The following SP140 variants were observed in gnomAD, a reference collection of about 807,000 sequenced individuals.
SP140 encodes the protein nuclear body protein SP140.
A neutral mutation model predicts 125.0 loss-of-function variants in SP140; 81 were observed. The ratio of observed to expected loss-of-function variants is 0.65; its 90% CI spans 0.54 to 0.78. The LOEUF (loss-of-function observed/expected upper bound fraction) is 0.78. SP140 is among the 30% of genes least tolerant of loss of function. The pLI is 0.00. For missense variants in SP140, 858 were observed against 1,037.0 expected, an observed-to-expected ratio of 0.83 and a Z score of 2.37; for synonymous variants, 312 against 354.0, an observed-to-expected ratio of 0.88 and a Z score of 1.33.
chr2:230,187,919 GT>G, the SP140 span, among the ~76,000 whole-genome samples: 1 of 152,074 alleles, frequency 6.6e-6, no homozygotes, highest in Admixed American at 6.5e-5. Flanking sequence ...TTTAAGTCTG[GT>G]AATGTGATGC....
At chr2:230,245,198 G>A (rs909259798) in intron 6 of SP140, 118 bp downstream of exon 6, 85 of 673,880 alleles carry the variant, frequency 1.3e-4, no homozygotes, top group Non-Finnish European at 1.7e-4. Context: ...TCAGCCTGTG[G>A]TTGTTTTCCC....
rs962602680 is a variant in SP140 at position 230,310,767 on chromosome 2, C to G, written c.2199C>G (p.Cys733Trp). The change falls in exon 24 of 27, where the codon TGC becomes TGG. Residue 733 changes from cysteine to tryptophan, a missense_variant. By Grantham distance (215) the Cys-to-Trp change is radical. This residue lies in a region of SP140 where 22 missense variants were observed against 50.5 expected (regional missense o/e 0.44). Coordinates refer to ENST00000392045, the MANE Select transcript of SP140 (RefSeq NM_007237.5). ...AERTPWNCIF[C>W]RMKESPGSQQ... ...GGACCCCGTGGAATTGCATCTTCTG[C>G]AGGATGAAGGAGTCTCCGGGAAGCC... The G allele has an allele frequency of 6.5e-7, 1 of 1,536,800 alleles. No individual in the cohort carries two copies. The highest frequency in any genetic ancestry group is 8.8e-7 in the Non-Finnish European group (1 of 1,130,458).
intron 3 of SP140, 138 bp downstream of exon 3, chr2:230,238,519 G>GA: frequency 1.1e-6 from 1 of 877,142 alleles, no homozygotes; most frequent in Non-Finnish European, 1.7e-6. Context: ...ATATAATGAT[G>GA]AAAAAACACA....
chr2:230,266,454 T>C (rs1474139375), intron 12 of SP140, among the ~76,000 whole-genome samples: 1 of 152,192 alleles, frequency 6.6e-6, no homozygotes, highest in Non-Finnish European at 1.5e-5. Flanking sequence ...AAGAAGATGG[T>C]TGTGTTCGTT....
Position 230,239,237 on chromosome 2 carries a change from G to T in SP140, c.406+856G>T, listed in dbSNP as rs1431963780. On this transcript the variant is annotated intron_variant, in intron 3 of 26. Transcript: ENST00000392045. ...TGCATGCCTCCTTTGGTATCCATGA[G>T]GGATTGGTTTCAGGAATACCCACCA... 10 of 251,596 alleles carry T rather than the reference G, an allele frequency of 4.0e-5. No individual in the cohort carries two copies. The East Asian group carries it at 9.0e-4, about 23-fold the overall frequency. 15.6% of individuals were successfully genotyped at this position (251,596 alleles called of 1,614,324 possible).
intron 15 of SP140, among the ~76,000 whole-genome samples, chr2:230,282,662 A>G (rs894709803): frequency 6.6e-6 from 1 of 152,162 alleles, no homozygotes; most frequent in Admixed American, 6.5e-5. Flanking sequence ...CACACATTTC[A>G]TAAACTGTAA....
chr2:230,216,527 G>C (rs200101397), intron 3 of SP140, among the ~76,000 whole-genome samples: 1 of 152,166 alleles, frequency 6.6e-6, no homozygotes, highest in South Asian at 2.1e-4. Flanking sequence ...CTCCACACCT[G>C]AGAGAATATA....
At chr2:230,196,597 T>C in the SP140 span, among the ~76,000 whole-genome samples, 2 of 152,114 alleles carry the variant, frequency 1.3e-5, no homozygotes, top group Non-Finnish European at 2.9e-5. Flanking sequence ...AATGTGCAGG[T>C]TTGTTACATA....
intron 1 of SP140, among the ~76,000 whole-genome samples, chr2:230,234,139 G>A (rs907404874): frequency 5.3e-5 from 8 of 152,184 alleles, no homozygotes; most frequent in African/African-American, 1.9e-4. Context: ...GTCCTACACA[G>A]TGTCAGTAAA....
chr2:230,192,883 G>T, the SP140 span, among the ~76,000 whole-genome samples: 1 of 152,114 alleles, frequency 6.6e-6, no homozygotes, highest in African/African-American at 2.4e-5. Flanking sequence ...CTAGAGTGTA[G>T]TTTACATCTA....
chr2:230,271,171 A>G (rs989354874), intron 15 of SP140, among the ~76,000 whole-genome samples: 4 of 152,210 alleles, frequency 2.6e-5, no homozygotes, highest in African/African-American at 7.2e-5. Flanking sequence ...GTTGTTTTAA[A>G]CCACTAAATT....
At chr2:230,240,267 G>T (rs1393989653) in intron 3 of SP140, among the ~76,000 whole-genome samples, 2 of 152,120 alleles carry the variant, frequency 1.3e-5, no homozygotes, top group Non-Finnish European at 2.9e-5. Flanking sequence ...GCAGTAATTT[G>T]CTATACAGGA....
At chr2:230,249,452 C>G (rs887220548) in intron 9 of SP140, among the ~76,000 whole-genome samples, 1 of 152,072 alleles carries the variant, frequency 6.6e-6, no homozygotes, top group African/African-American at 2.4e-5. Flanking sequence ...GCTATAGCCC[C>G]TGCGTGAACA....
intron 1 of SP140, among the ~76,000 whole-genome samples, chr2:230,233,657 GA>G (rs2047573388): frequency 6.6e-6 from 1 of 152,140 alleles, no homozygotes; most frequent in African/African-American, 2.4e-5. Flanking sequence ...TAATAGTAGT[GA>G]ATTTATTACC....
upstream of SP140, among the ~76,000 whole-genome samples, chr2:230,201,229 C>A (rs2043155759): frequency 6.6e-6 from 1 of 152,226 alleles, no homozygotes; most frequent in African/African-American, 2.4e-5. Context: ...CCATCTGAAC[C>A]CCTTGGCCAG....
chr2:230,209,991 G>A (rs201871551), intron 1 of SP140: 1 of 1,601,540 alleles, frequency 6.2e-7, no homozygotes, highest in Non-Finnish European at 8.6e-7. Flanking sequence ...TTTGGTTCTG[G>A]AGAATTATCT....
intron 12 of SP140, among the ~76,000 whole-genome samples, chr2:230,264,419 C>T (rs1445837192): frequency 6.6e-6 from 1 of 152,152 alleles, no homozygotes; most frequent in African/African-American, 2.4e-5. Context: ...CTTTGCCTTT[C>T]TCTGGTCCCT....
upstream of SP140, among the ~76,000 whole-genome samples, chr2:230,198,452 C>A (rs2042978090): frequency 6.6e-6 from 1 of 152,176 alleles, no homozygotes; most frequent in Admixed American, 6.5e-5. Context: ...GCTAGTTGTT[C>A]CTCTTTCTCT....
At position 230,284,359 on chromosome 2, in the gene SP140, G is replaced by A. The variant is rs201215221; in HGVS notation, c.1512G>A (p.Gly504=). 1.9e-3 allele frequency: 2,994 copies of A among 1,605,188 alleles called. 16 individuals are homozygous for A. The highest frequency in any genetic ancestry group is 7.8e-3 in the Middle Eastern group (47 of 6,026). ...TTTGGTTTGAAGGAAAAAAGAGGGG[G>A]CATGGCTGGAGCAGAATGAGAATGA... is the stretch of plus-strand genomic sequence containing the variant. ...KPKRKRRKKR[G]HGWSRMRMRR... The change falls in exon 16 of 27, where the codon GGG becomes GGA. Residue 504 remains glycine (G), a synonymous_variant. Coordinates refer to ENST00000392045, the MANE Select transcript of SP140 (RefSeq NM_007237.5).
Sources: gnomAD v4.1 joint callset for allele counts (sites outside exome capture counted in the v4.1 genomes callset) on GRCh38, gnomAD v4.1.1 for gene constraint, gnomAD v4.1.1 regional missense constraint, MANE v1.5 for transcripts, NCBI Gene and HGNC (gene_info 2026-07-23, HGNC 2026-07-21) for gene names.